The following TMEM132E variants were observed in gnomAD, a reference collection of about 807,000 sequenced individuals.
TMEM132E encodes the protein transmembrane protein 132E.
Under a neutral mutation model 78.5 loss-of-function variants are expected in TMEM132E, and 49 were observed. The ratio of observed to expected loss-of-function variants is 0.62; its 90% CI spans 0.50 to 0.79. TMEM132E has a LOEUF of 0.79. Among genes scored for constraint, TMEM132E ranks in the 30% least tolerant of loss-of-function variants. The pLI, the probability that TMEM132E is intolerant of heterozygous loss-of-function variation, is 0.00. For synonymous variants in TMEM132E, 715 were observed against 670.6 expected, an observed-to-expected ratio of 1.07 and a Z score of -1.02; for missense variants, 1,403 against 1,470.9, an observed-to-expected ratio of 0.95 and a Z score of 0.75.
Position 34,629,153 on chromosome 17 carries a change from T to C in TMEM132E, c.1287T>C (p.Thr429=). ...TGCCTGACCTGGAGCGGGCAGTCAC[T>C]GAGCTGACGGTCATTCAGCGGGATG... ...GALPDLERAV[T]ELTVIQRDVQ... The change falls in exon 4 of 9, where the codon ACT becomes ACC. Residue 429 remains threonine, a synonymous_variant. Transcript: ENST00000631683. The C allele has an allele frequency of 6.2e-7, 1 of 1,614,102 alleles. No homozygotes were observed. The highest frequency in any genetic ancestry group is 8.5e-7 in the Non-Finnish European group (1 of 1,179,990).
chr17:34,621,830 G>T (rs1355596445), intron 1 of TMEM132E, among the ~76,000 whole-genome samples: 4 of 152,142 alleles, frequency 2.6e-5, no homozygotes, highest in African/African-American at 9.7e-5. Context: ...GTGTGTGTGT[G>T]TGTGTGTGTC....
At chr17:34,632,260 T>C (rs2142084659) in intron 5 of TMEM132E, among the ~76,000 whole-genome samples, 1 of 152,036 alleles carries the variant, frequency 6.6e-6, no homozygotes, top group Middle Eastern at 3.4e-3. Flanking sequence ...CCCCTGCACC[T>C]CAACTTCCTC....
chr17:34,626,914 G>T lies in TMEM132E; in HGVS notation c.855G>T (p.Leu285=), dbSNP rs777955301. The T allele has an allele frequency of 6.2e-7, 1 of 1,613,634 alleles. No homozygotes were observed. Among genetic ancestry groups the T allele is most frequent in the Non-Finnish European group, 8.5e-7 (1 of 1,179,996 alleles). The change falls in exon 2 of 9, where the codon CTG becomes CTT. Residue 285 remains leucine (L), a synonymous_variant. Transcript: ENST00000631683. ...SLFRPPPRRT[L]QEHRLDSNLM... ...TCCGCCCGCCCCCCAGGAGGACCCT[G>T]CAGGAGCACAGGCTGGACAGCAACC...
intron 1 of TMEM132E, among the ~76,000 whole-genome samples, chr17:34,612,263 G>A (rs1242344458): frequency 1.3e-5 from 2 of 152,194 alleles, no homozygotes; most frequent in African/African-American, 2.4e-5. Flanking sequence ...ACTGAGTCAG[G>A]GAAACCAAGC....
At chr17:34,623,802 G>A (rs1427705208) in intron 1 of TMEM132E, among the ~76,000 whole-genome samples, 1 of 152,142 alleles carries the variant, frequency 6.6e-6, no homozygotes, top group East Asian at 1.9e-4. Context: ...TCCAAATGTG[G>A]ACCCTGCATT....
intron 1 of TMEM132E, among the ~76,000 whole-genome samples, chr17:34,581,488 GC>G (rs1905480397): frequency 6.6e-6 from 1 of 152,118 alleles, no homozygotes; most frequent in Non-Finnish European, 1.5e-5. Flanking sequence ...GCCGCCCCCC[GC>G]CCCCGTCTCT....
chr17:34,594,098 G>A (rs1389649937), intron 1 of TMEM132E, among the ~76,000 whole-genome samples: 1 of 152,142 alleles, frequency 6.6e-6, no homozygotes, highest in Non-Finnish European at 1.5e-5. Context: ...ACCCTGCTCT[G>A]TTTCCCTTCA....
chr17:34,607,885 A>G (rs138607022), intron 1 of TMEM132E, among the ~76,000 whole-genome samples: 91 of 152,260 alleles, frequency 6.0e-4, no homozygotes, highest in African/African-American at 2.1e-3. Flanking sequence ...GGGGTGTACC[A>G]CTTTCCCAGC....
chr17:34,604,647 G>T (rs1045402249), intron 1 of TMEM132E, among the ~76,000 whole-genome samples: 4 of 152,066 alleles, frequency 2.6e-5, no homozygotes, highest in Non-Finnish European at 4.4e-5. Flanking sequence ...AGTTCTCTGT[G>T]GGTCTGTCCC....
At chr17:34,629,487 A>G (rs572978689) in intron 4 of TMEM132E, among the ~76,000 whole-genome samples, 1 of 152,238 alleles carries the variant, frequency 6.6e-6, no homozygotes, top group African/African-American at 2.4e-5. Context: ...AATGCAGTTG[A>G]GTCTTGGAGG....
intron 1 of TMEM132E, among the ~76,000 whole-genome samples, chr17:34,617,515 AT>A: frequency 6.6e-6 from 1 of 152,256 alleles, no homozygotes; most frequent in African/African-American, 2.4e-5. Flanking sequence ...GAATGAATGA[AT>A]GAATGAATGA....
intron 1 of TMEM132E, among the ~76,000 whole-genome samples, chr17:34,605,408 G>A (rs966777523): frequency 1.3e-5 from 2 of 152,124 alleles, no homozygotes; most frequent in African/African-American, 4.8e-5. Context: ...TTCTATGGAA[G>A]GCCTTCCCTC....
intron 1 of TMEM132E, among the ~76,000 whole-genome samples, chr17:34,613,211 A>ACACGCGCGCG: frequency 0.026 from 2,992 of 115,696 alleles, 70 homozygotes; most frequent in East Asian, 0.038. Context: ...ACACACACAC[A>ACACGCGCGCG]CGCGCGCGCG....
chr17:34,635,911 C>A (rs1181720769), intron 7 of TMEM132E, 96 bp from the exon 8 acceptor site: 4 of 1,239,934 alleles, frequency 3.2e-6, no homozygotes, highest in Non-Finnish European at 4.2e-6. Flanking sequence ...TCAGGCCCCT[C>A]TTCCAGCAGT....
At chr17:34,592,316 G>T (rs1034350110) in intron 1 of TMEM132E, among the ~76,000 whole-genome samples, 1 of 152,260 alleles carries the variant, frequency 6.6e-6, no homozygotes, top group South Asian at 2.1e-4. Context: ...TCCAGCAGCC[G>T]GCCCCCATCA....
chr17:34,582,821 G>A (rs763708079), intron 1 of TMEM132E, among the ~76,000 whole-genome samples: 3 of 152,132 alleles, frequency 2.0e-5, no homozygotes, highest in Non-Finnish European at 4.4e-5. Flanking sequence ...GTCTAGGTGG[G>A]TTCTTCCCCT....
In TMEM132E at chr17:34,626,479, C is replaced by A. The variant is rs757706114; in HGVS notation, c.420C>A (p.Pro140=). The A allele has an allele frequency of 1.9e-6, 3 of 1,612,612 alleles. No homozygotes were observed. Among genetic ancestry groups the A allele is most frequent in the Admixed American group, 3.3e-5 (2 of 59,992 alleles). ...GCTCGCACGTGCCCGCCTCGCAGCC[C>A]GTGGTCCAGGTGCTGTTCTACGTAG... ...IVRSHVPASQ[P]VVQVLFYVAG... Residue 140 remains proline (P), a synonymous_variant, in exon 2 of 9, where the codon CCC becomes CCA. Transcript: ENST00000631683.
chr17:34,618,131 T>C (rs1906840863), intron 1 of TMEM132E, among the ~76,000 whole-genome samples: 2 of 152,284 alleles, frequency 1.3e-5, no homozygotes, highest in Admixed American at 6.5e-5. Context: ...TCCATTTTTA[T>C]GCATTTGCAT....
intron 1 of TMEM132E, among the ~76,000 whole-genome samples, chr17:34,612,562 A>G (rs1906627618): frequency 6.6e-6 from 1 of 152,234 alleles, no homozygotes; most frequent in South Asian, 2.1e-4. Context: ...TCTAGGCCTC[A>G]GTTAAAACAG....
Sources: gnomAD v4.1 joint callset for allele counts (sites outside exome capture counted in the v4.1 genomes callset) on GRCh38, gnomAD v4.1.1 for gene constraint, MANE v1.5 for transcripts, NCBI Gene and HGNC (gene_info 2026-07-23, HGNC 2026-07-21) for gene names.